Variants in FAM135A observed in about 807,000 individuals in gnomAD.
FAM135A encodes the protein family with sequence similarity 135 member A.
In FAM135A, 79 loss-of-function variants were observed where a neutral mutation model predicts 146.8. The observed-to-expected ratio is 0.54, with a 90% CI of 0.45 to 0.65. The LOEUF (loss-of-function observed/expected upper bound fraction) is 0.65. Among genes scored for constraint, FAM135A ranks in the 30% least tolerant of loss-of-function variants. The pLI, the probability that FAM135A is intolerant of heterozygous loss-of-function variation, is 0.00. For synonymous variants in FAM135A, 562 were observed against 603.6 expected, an observed-to-expected ratio of 0.93 and a Z score of 1.01; for missense variants, 1,623 against 1,758.2, an observed-to-expected ratio of 0.92 and a Z score of 1.38.
intron 4 of FAM135A, among the ~76,000 whole-genome samples, chr6:70,440,852 A>C (rs1188237350): frequency 1.3e-5 from 2 of 152,144 alleles, no homozygotes; most frequent in Non-Finnish European, 2.9e-5. Flanking sequence ...AAAAATGGAG[A>C]TATCCAAATT....
chr6:70,515,926 A>T (rs1792084142), intron 12 of FAM135A, among the ~76,000 whole-genome samples: 1 of 152,174 alleles, frequency 6.6e-6, no homozygotes, highest in African/African-American at 2.4e-5. Context: ...GCTGTAAAAA[A>T]AAAATAAAGT....
At chr6:70,460,171 T>C (rs564694450) in intron 5 of FAM135A, among the ~76,000 whole-genome samples, 1 of 152,342 alleles carries the variant, frequency 6.6e-6, no homozygotes, top group Admixed American at 6.5e-5. Flanking sequence ...CTTCCTGTTA[T>C]GATAAAAAGA....
chr6:70,534,395 C>T (rs1362396154), intron 18 of FAM135A, among the ~76,000 whole-genome samples: 1 of 143,972 alleles, frequency 6.9e-6, no homozygotes, highest in Non-Finnish European at 1.5e-5. Flanking sequence ...TCTCGGCTCA[C>T]TGCAGTCTCA....
chr6:70,538,109 G>A lies in FAM135A; in HGVS notation c.4118-182G>A, dbSNP rs569341688. ...ATTAATTCATAATTAACCTAAGCATGCATGTTTATAAATGTTATCGGAACA... is the reference window on the plus strand; with the variant it reads ...ATTAATTCATAATTAACCTAAGCATACATGTTTATAAATGTTATCGGAACA... On this transcript the variant is annotated intron_variant, in intron 19 of 21. Coordinates refer to ENST00000418814, the MANE Select transcript of FAM135A (RefSeq NM_001162529.3). 4.6e-5 allele frequency among the ~76,000 whole-genome samples: 7 copies of A among 152,256 alleles called. No homozygotes were observed. The East Asian group carries it at 1.3e-3, about 29-fold the overall frequency.
At chr6:70,559,573 A>T in intron 21 of FAM135A, 143 bp from the exon 22 acceptor site, 1 of 594,678 alleles carries the variant, frequency 1.7e-6, no homozygotes, top group Non-Finnish European at 2.7e-6. Context: ...AAGGAAAATT[A>T]AACCTTTTTA....
In FAM135A at chr6:70,559,775, T is replaced by G. The variant is rs771775391; in HGVS notation, c.4402T>G (p.Cys1468Gly). 1.9e-6 allele frequency: 3 copies of G among 1,614,182 alleles called. No homozygotes were observed. The highest frequency in any genetic ancestry group is 2.5e-6 in the Non-Finnish European group (3 of 1,180,020). ...TCGACCCGTTCTGCAAAGCAAGGACTGTAATTTGGTTCGCTATAATGTCAT... is the reference window on the plus strand; with the variant it reads ...TCGACCCGTTCTGCAAAGCAAGGACGGTAATTTGGTTCGCTATAATGTCAT... Reference protein sequence around the residue: ...LLRPVLQSKDCNLVRYNVINA... With the variant: ...LLRPVLQSKDGNLVRYNVINA... The change falls in exon 22 of 22, where the codon TGT (cysteine) becomes GGT (glycine). Residue 1468 changes from cysteine to glycine, a missense_variant. Around this residue, in one of 7 missense-constraint regions of FAM135A, gnomAD observed 138 missense variants for 174.1 expected, o/e 0.79. Coordinates refer to ENST00000418814, the MANE Select transcript of FAM135A (RefSeq NM_001162529.3).
At chr6:70,466,777 A>G (rs1177619828) in intron 5 of FAM135A, among the ~76,000 whole-genome samples, 1 of 152,216 alleles carries the variant, frequency 6.6e-6, no homozygotes, top group Non-Finnish European at 1.5e-5. Flanking sequence ...TAGGCTAGAA[A>G]CTTCATTAGT....
At chr6:70,450,713 G>GTGGTT (rs1776829070) in intron 4 of FAM135A, among the ~76,000 whole-genome samples, 1 of 29,780 alleles carries the variant, frequency 3.4e-5, no homozygotes, top group Non-Finnish European at 9.8e-5. Flanking sequence ...GACCCTTTTA[G>GTGGTT]TTGTTTTTTT....
intron 4 of FAM135A, among the ~76,000 whole-genome samples, chr6:70,446,145 T>A (rs548358871): frequency 1.2e-3 from 182 of 152,356 alleles, no homozygotes; most frequent in Admixed American, 1.8e-3. Flanking sequence ...TTTGTTCTTT[T>A]AATTTTGCAA....
At position 70,526,118 on chromosome 6, in the gene FAM135A, A is replaced by T; in HGVS notation, c.3034A>T (p.Ile1012Phe). 1 of 1,613,576 alleles carries T rather than the reference A, an allele frequency of 6.2e-7. No homozygotes were observed. Among genetic ancestry groups the T allele is most frequent in the Non-Finnish European group, 8.5e-7 (1 of 1,179,678 alleles). Residue 1012 changes from isoleucine (I) to phenylalanine (F), a missense_variant, in exon 15 of 22, where the codon ATC becomes TTC. Ile to Phe is a conservative substitution (Grantham distance 21). Transcript: ENST00000418814. The part of the protein sequence containing the change: ...VLNLTQMYSE[I>F]PTVESETHLG... ...AAATCTCACACAGATGTATTCAGAAATCCCTACAGTTGAAAGTGAAACTCA... is the reference window on the plus strand; with the variant it reads ...AAATCTCACACAGATGTATTCAGAATTCCCTACAGTTGAAAGTGAAACTCA...
Position 70,526,315 on chromosome 6 carries a change from T to C in FAM135A, c.3231T>C (p.Leu1077=). The change falls in exon 15 of 22, where the codon CTT becomes CTC. Residue 1077 remains leucine, a synonymous_variant. Coordinates refer to ENST00000418814, the MANE Select transcript of FAM135A (RefSeq NM_001162529.3). ...CTTCTGAAAAAGAAATTAGTAATCT[T>C]CAGCAGGAACAGGATAAAGAGGATG... ...KETSEKEISN[L]QQEQDKEDEE... is the part of the protein sequence containing the mutation. The C allele has an allele frequency of 6.2e-7, 1 of 1,613,288 alleles. No individual in the cohort carries two copies. Among genetic ancestry groups the C allele is most frequent in the South Asian group, 1.1e-5 (1 of 91,042 alleles).
chr6:70,533,478 CATTA>C (rs1796212771), intron 17 of FAM135A, among the ~76,000 whole-genome samples: 1 of 152,058 alleles, frequency 6.6e-6, no homozygotes, highest in Non-Finnish European at 1.5e-5. Context: ...AGAAATATTT[CATTA>C]ATTAAACCAT....
chr6:70,528,578 T>C, intron 16 of FAM135A, 126 bp downstream of exon 16: 2 of 754,816 alleles, frequency 2.6e-6, no homozygotes, highest in Non-Finnish European at 3.8e-6. Flanking sequence ...TAATTGAATC[T>C]TAAATGCATT....
At chr6:70,466,238 A>ACC (rs761439978) in intron 5 of FAM135A, among the ~76,000 whole-genome samples, 7 of 152,342 alleles carry the variant, frequency 4.6e-5, no homozygotes, top group Non-Finnish European at 8.8e-5. Flanking sequence ...ACACCCAGGT[A>ACC]CCCAACCTTT....
At chr6:70,555,550 G>T (rs942198854) in intron 20 of FAM135A, among the ~76,000 whole-genome samples, 1 of 152,060 alleles carries the variant, frequency 6.6e-6, no homozygotes, top group African/African-American at 2.4e-5. Context: ...ACCTCGCCCA[G>T]CCTGGAAATC....
intron 12 of FAM135A, among the ~76,000 whole-genome samples, chr6:70,520,889 C>T (rs1324469077): frequency 3.3e-5 from 5 of 152,090 alleles, no homozygotes; most frequent in Non-Finnish European, 5.9e-5. Flanking sequence ...TGGGTGCATA[C>T]AAGAAAGATT....
chr6:70,426,033 G>T (rs1002765154), intron 2 of FAM135A, among the ~76,000 whole-genome samples: 4 of 151,848 alleles, frequency 2.6e-5, no homozygotes, highest in African/African-American at 9.7e-5. Context: ...AACCCGGGAA[G>T]CGGAGCTTGC....
chr6:70,486,081 C>T, intron 10 of FAM135A: 1 of 1,070,186 alleles, frequency 9.3e-7, no homozygotes, highest in South Asian at 1.5e-5. Context: ...AACACTAAGT[C>T]TATTATTAAC....
In FAM135A at chr6:70,522,493, T is replaced by C; in HGVS notation, c.1030-20T>C. On this transcript the variant is annotated intron_variant, in intron 12 of 21. Coordinates refer to ENST00000418814, the MANE Select transcript of FAM135A (RefSeq NM_001162529.3). ...TTTAAATACGTCATGTTATTAATAC[T>C]CTCCTTTGGAATTTTTTAGGTACGC... 1 of 1,610,716 alleles carries C rather than the reference T, an allele frequency of 6.2e-7. No individual in the cohort carries two copies. Among genetic ancestry groups the C allele is most frequent in the Non-Finnish European group, 8.5e-7 (1 of 1,177,418 alleles).
Sources: allele counts gnomAD v4.1 joint callset (sites outside exome capture counted in the v4.1 genomes callset), GRCh38; gene constraint gnomAD v4.1.1; regional missense constraint gnomAD v4.1.1; transcripts MANE v1.5; gene names NCBI Gene and HGNC (gene_info 2026-07-23, HGNC 2026-07-21).